Variants in GRIP1 observed in about 807,000 individuals in gnomAD.
The protein encoded by GRIP1 is glutamate receptor-interacting protein 1.
Under a neutral mutation model 129.9 loss-of-function variants are expected in GRIP1, and 45 were observed. The observed-to-expected ratio is 0.35, with a 90% CI of 0.27 to 0.44. The LOEUF (loss-of-function observed/expected upper bound fraction) is 0.44. GRIP1 is among the 20% of genes least tolerant of loss of function. The probability of loss-of-function intolerance (pLI) is 1.00; values close to 1 mark genes in which losing one functional copy is unlikely to be tolerated. For synonymous variants in GRIP1, 530 were observed against 520.8 expected, an observed-to-expected ratio of 1.02 and a Z score of -0.24; for missense variants, 1,196 against 1,396.8, an observed-to-expected ratio of 0.86 and a Z score of 2.29.
At chr12:66,591,590 GGTT>G (rs2063848149) in intron 2 of GRIP1, among the ~76,000 whole-genome samples, 1 of 151,966 alleles carries the variant, frequency 6.6e-6, no homozygotes, top group East Asian at 1.9e-4. Context: ...AACTGACTTT[GGTT>G]TCTCATCCCT....
intron 1 of GRIP1, among the ~76,000 whole-genome samples, chr12:66,614,743 G>A (rs980737208): frequency 2.6e-5 from 4 of 151,992 alleles, no homozygotes; most frequent in Non-Finnish European, 5.9e-5. Context: ...TCTGTAATCC[G>A]ACCCCAACCC....
rs1363829813 is a variant in GRIP1, at chr12:66,874,587, A to AGTTCT, written c.58+194462_58+194463insAGAAC. Among the ~76,000 whole-genome samples the AGTTCT allele has an allele frequency of 1.4e-4, 22 of 152,214 alleles. 1 individual carries two copies. In the South Asian group the frequency reaches 4.3e-3, roughly 30 times the overall value. On this transcript the variant is annotated intron_variant, in intron 1 of 1. Coordinates refer to the GRIP1 transcript ENST00000643019. Reference sequence around the variant, plus strand: ...CTGGGGAGGCCTCAGGAAACTTACAATCATGGAAGAAGGCGAAGGGAGAGC... The same window carrying AGTTCT: ...CTGGGGAGGCCTCAGGAAACTTACAAGTTCTTCATGGAAGAAGGCGAAGGGAGAGC...
intron 7 of GRIP1, among the ~76,000 whole-genome samples, chr12:66,503,414 G>A (rs2060444260): frequency 1.3e-5 from 2 of 152,120 alleles, no homozygotes; most frequent in African/African-American, 2.4e-5. Context: ...TGGGAAAGAG[G>A]TGCAAGATGC....
At chr12:66,895,615 T>C (rs931222237) in intron 1 of GRIP1, among the ~76,000 whole-genome samples, 2 of 152,158 alleles carry the variant, frequency 1.3e-5, no homozygotes, top group Non-Finnish European at 2.9e-5. Flanking sequence ...TGTTCTCTAC[T>C]GGGCACCATT....
chr12:66,476,047 A>G (rs2059598074), intron 7 of GRIP1, among the ~76,000 whole-genome samples: 3 of 152,188 alleles, frequency 2.0e-5, no homozygotes, highest in Admixed American at 2.0e-4. Flanking sequence ...ATAGAGACAC[A>G]AAAAACCCTT....
intron 1 of GRIP1, among the ~76,000 whole-genome samples, chr12:66,886,803 C>T (rs1311910169): frequency 6.6e-6 from 1 of 152,154 alleles, no homozygotes; most frequent in African/African-American, 2.4e-5. Context: ...CTTATTTGAT[C>T]ATGACAACAA....
chr12:66,914,099 G>A (rs1345846554), intron 1 of GRIP1, among the ~76,000 whole-genome samples: 2 of 152,124 alleles, frequency 1.3e-5, no homozygotes, highest in Admixed American at 6.6e-5. Context: ...AGGACACTAT[G>A]AGAAATAAGG....
At chr12:66,427,382 T>C (rs1332777982) in intron 14 of GRIP1, among the ~76,000 whole-genome samples, 2 of 152,072 alleles carry the variant, frequency 1.3e-5, no homozygotes, top group African/African-American at 4.8e-5. Context: ...GGGACCCCTC[T>C]TAGGAGCCTG....
At chr12:66,540,517 T>C (rs1357043169) in intron 3 of GRIP1, among the ~76,000 whole-genome samples, 4 of 152,210 alleles carry the variant, frequency 2.6e-5, no homozygotes, top group Non-Finnish European at 4.4e-5. Flanking sequence ...TGTGGAAAGA[T>C]GCTTCTTAAA....
intron 1 of GRIP1, among the ~76,000 whole-genome samples, chr12:66,695,274 T>G (rs79162999): frequency 1.7e-5 from 1 of 59,396 alleles, no homozygotes. Context: ...ATCTAACCTG[T>G]TTTTTTTTTT....
At chr12:66,565,228 G>T (rs1485665792) in intron 2 of GRIP1, among the ~76,000 whole-genome samples, 1 of 152,156 alleles carries the variant, frequency 6.6e-6, no homozygotes, top group Non-Finnish European at 1.5e-5. Flanking sequence ...TATTGCCTAG[G>T]TTTTCTTCTG....
chr12:66,678,514 C>T (rs1285956678), intron 1 of GRIP1, among the ~76,000 whole-genome samples: 1 of 152,090 alleles, frequency 6.6e-6, no homozygotes, highest in Admixed American at 6.6e-5. Flanking sequence ...CACTTGACTC[C>T]TTTTGGCCAG....
intron 2 of GRIP1, among the ~76,000 whole-genome samples, chr12:66,572,047 T>C (rs2062977616): frequency 6.6e-6 from 1 of 152,146 alleles, no homozygotes; most frequent in African/African-American, 2.4e-5. Flanking sequence ...ACCCCACACT[T>C]CTGGATTCTG....
intron 1 of GRIP1, among the ~76,000 whole-genome samples, chr12:67,055,260 C>A (rs561579753): frequency 6.6e-6 from 1 of 152,266 alleles, no homozygotes; most frequent in East Asian, 1.9e-4. Context: ...CCTGGTCATG[C>A]TGGAGAGAGG....
At chr12:66,818,717 G>A (rs924928216) in intron 1 of GRIP1, among the ~76,000 whole-genome samples, 1 of 152,124 alleles carries the variant, frequency 6.6e-6, no homozygotes, top group Admixed American at 6.5e-5. Flanking sequence ...TTAATTGCAT[G>A]TGTGTGGTGG....
chr12:66,881,526 T>C (rs2137192836), intron 1 of GRIP1, among the ~76,000 whole-genome samples: 1 of 152,288 alleles, frequency 6.6e-6, no homozygotes, highest in South Asian at 2.1e-4. Flanking sequence ...GGATAACTTT[T>C]TTTTTTTATT....
rs565553013 is a variant in GRIP1 at position 66,957,623 on chromosome 12, G to T, written c.58+111427C>A. Among the ~76,000 whole-genome samples, 18 of 152,156 alleles carry T rather than the reference G, an allele frequency of 1.2e-4. No homozygotes were observed. The South Asian group carries it at 2.7e-3, about 23-fold the overall frequency. On this transcript the variant is annotated intron_variant, in intron 1 of 1. Transcript: ENST00000643019. ...AATGTCCCTCCATTGGGACTTGTTA[G>T]ATGTTTGTCTCATGATTAGACTATG...
intron 1 of GRIP1, among the ~76,000 whole-genome samples, chr12:67,022,197 A>G (rs1488493109): frequency 6.6e-6 from 1 of 152,160 alleles, no homozygotes; most frequent in African/African-American, 2.4e-5. Context: ...CTTTGGATAT[A>G]TATCCAATGG....
At chr12:66,696,713 G>A (rs2035173957) in intron 1 of GRIP1, among the ~76,000 whole-genome samples, 1 of 149,720 alleles carries the variant, frequency 6.7e-6, no homozygotes, top group African/African-American at 2.5e-5. Flanking sequence ...GCTGAGGCAG[G>A]AGAATGGCGT....
Sources: gnomAD v4.1 joint callset for allele counts (sites outside exome capture counted in the v4.1 genomes callset) on GRCh38, gnomAD v4.1.1 for gene constraint, MANE v1.5 for transcripts, NCBI Gene and HGNC (gene_info 2026-07-23, HGNC 2026-07-21) for gene names.